Variants in PTTG1IP2 observed in about 807,000 individuals in gnomAD.
PTTG1IP2 encodes the protein PTTG1IP family member 2.
chr7:90,473,976 C>T (rs1425605369), intron 1 of PTTG1IP2, among the ~76,000 whole-genome samples: 1 of 152,188 alleles, frequency 6.6e-6, no homozygotes, highest in Non-Finnish European at 1.5e-5. Context: ...GGTAAGTTTT[C>T]AGTAAACATT....
rs531043027 is a variant in PTTG1IP2, at chr7:90,497,378, C to A, written c.*50+2948C>A. On this transcript the variant is annotated intron_variant, in intron 6 of 6. Coordinates refer to ENST00000509356, the MANE Select transcript of PTTG1IP2 (RefSeq NM_001365443.2). ...AGGAGATCGAGACCATCCTGGCTAA[C>A]ATGGTGAAACCCCGTCTCTACTAAA... Among the ~76,000 whole-genome samples the A allele has an allele frequency of 2.2e-4, 34 of 152,116 alleles. No homozygotes were observed. The East Asian group carries it at 5.4e-3, about 24-fold the overall frequency.
intron 2 of PTTG1IP2, among the ~76,000 whole-genome samples, chr7:90,485,170 G>A (rs775284594): frequency 1.3e-5 from 2 of 152,138 alleles, no homozygotes; most frequent in Non-Finnish European, 2.9e-5. Context: ...GAAGAATGGG[G>A]ACACAAAGTA....
intron 6 of PTTG1IP2, among the ~76,000 whole-genome samples, chr7:90,508,343 A>C (rs535491259): frequency 6.6e-6 from 1 of 152,258 alleles, no homozygotes; most frequent in Admixed American, 6.5e-5. Flanking sequence ...AGTTGAGTTA[A>C]AGCCTAAAGA....
intron 6 of PTTG1IP2, among the ~76,000 whole-genome samples, chr7:90,505,961 G>A (rs572663074): frequency 1.5e-5 from 2 of 129,622 alleles, no homozygotes; most frequent in South Asian, 2.5e-4. Context: ...TCCGCAGTCC[G>A]GCCTGGGCGA....
At chr7:90,489,808 C>T (rs1797918647) in intron 4 of PTTG1IP2, among the ~76,000 whole-genome samples, 1 of 151,754 alleles carries the variant, frequency 6.6e-6, no homozygotes, top group African/African-American at 2.4e-5. Context: ...TATCAAGTGC[C>T]AAGATCAAAT....
intron 2 of PTTG1IP2, among the ~76,000 whole-genome samples, chr7:90,479,867 T>C (rs1797795626): frequency 1.3e-5 from 2 of 152,206 alleles, no homozygotes; most frequent in South Asian, 4.1e-4. Flanking sequence ...AAACAGAAGC[T>C]TGAAGTCACT....
At chr7:90,484,253 C>G (rs1242202571) in intron 2 of PTTG1IP2, among the ~76,000 whole-genome samples, 1 of 151,938 alleles carries the variant, frequency 6.6e-6, no homozygotes, top group Non-Finnish European at 1.5e-5. Context: ...ATCCCATCCC[C>G]CAACCACTGG....
At chr7:90,496,841 C>G (rs1324852499) in intron 6 of PTTG1IP2, among the ~76,000 whole-genome samples, 1 of 152,092 alleles carries the variant, frequency 6.6e-6, no homozygotes, top group Non-Finnish European at 1.5e-5. Flanking sequence ...TAACTTCCCT[C>G]TAAGAATTAC....
intron 6 of PTTG1IP2, among the ~76,000 whole-genome samples, chr7:90,494,851 C>A (rs1797975361): frequency 1.3e-5 from 2 of 152,102 alleles, no homozygotes; most frequent in South Asian, 4.1e-4. Flanking sequence ...TCACTACAAA[C>A]AATAAAAAAT....
At chr7:90,487,224 G>A (rs920952701) in intron 2 of PTTG1IP2, 103 bp from the exon 3 acceptor site, 1 of 152,404 alleles carries the variant, frequency 6.6e-6, no homozygotes, top group Non-Finnish European at 1.5e-5. Flanking sequence ...TAATAATAAT[G>A]GTTATTATTT....
At chr7:90,490,778 T>C (rs567918436) in intron 4 of PTTG1IP2, among the ~76,000 whole-genome samples, 1 of 152,290 alleles carries the variant, frequency 6.6e-6, no homozygotes, top group South Asian at 2.1e-4. Context: ...AAGTGGCAAA[T>C]TCTGCCCATA....
chr7:90,485,506 G>A (rs974715091), intron 2 of PTTG1IP2, among the ~76,000 whole-genome samples: 2 of 152,224 alleles, frequency 1.3e-5, no homozygotes, highest in East Asian at 1.9e-4. Context: ...AGAGAAAGCC[G>A]GATAACAACA....
chr7:90,489,276 T>C (rs1797912120), intron 4 of PTTG1IP2, among the ~76,000 whole-genome samples: 2 of 152,066 alleles, frequency 1.3e-5, no homozygotes, highest in South Asian at 4.1e-4. Context: ...CTTTTCATGA[T>C]TAATTTTAGA....
intron 6 of PTTG1IP2, among the ~76,000 whole-genome samples, chr7:90,512,287 A>G (rs780522513): frequency 3.3e-5 from 5 of 152,204 alleles, no homozygotes; most frequent in Non-Finnish European, 7.3e-5. Flanking sequence ...AGCAAAGCCA[A>G]TAATTTAAAA....
chr7:90,472,453 A>C (rs1273443658), intron 1 of PTTG1IP2, among the ~76,000 whole-genome samples: 1 of 152,254 alleles, frequency 6.6e-6, no homozygotes, highest in Non-Finnish European at 1.5e-5. Context: ...GCAAGATATC[A>C]GAATGAAATT....
intron 6 of PTTG1IP2, among the ~76,000 whole-genome samples, chr7:90,500,206 T>C (rs1798046920): frequency 6.6e-6 from 1 of 152,126 alleles, no homozygotes; most frequent in Non-Finnish European, 1.5e-5. Flanking sequence ...AGAGGGAGAC[T>C]CTGTCTCAGA....
intron 4 of PTTG1IP2, among the ~76,000 whole-genome samples, chr7:90,491,918 G>A (rs2116086436): frequency 6.6e-6 from 1 of 152,124 alleles, no homozygotes; most frequent in South Asian, 2.1e-4. Flanking sequence ...ATCACTTGAG[G>A]CCAGGAGTTC....
Position 90,488,908 on chromosome 7 carries a change from A to G in PTTG1IP2, c.324A>G (p.Ala108=), listed in dbSNP as rs1797907495. 1.3e-5 allele frequency: 2 copies of G among 151,978 alleles called. No homozygotes were observed. Among genetic ancestry groups the G allele is most frequent in the South Asian group, 2.1e-4 (1 of 4,832 alleles). The allele number at this position is 151,978 out of a possible 1,614,324, so 9.4% of individuals were successfully genotyped here. Residue 108 remains alanine (A), a synonymous_variant, in exon 4 of 7, where the codon GCA becomes GCG. Coordinates refer to ENST00000509356, the MANE Select transcript of PTTG1IP2 (RefSeq NM_001365443.2). ...GAATCATGATGCTTCTACTCATTGC[A>G]GTATTAATTACAGGATTCGTTTGGT... is the stretch of plus-strand genomic sequence containing the variant. The part of the protein sequence containing the change: ...MFGIMMLLLI[A]VLITGFVWYC...
chr7:90,482,365 T>C (rs1485652322), intron 2 of PTTG1IP2, among the ~76,000 whole-genome samples: 2 of 152,146 alleles, frequency 1.3e-5, no homozygotes, highest in South Asian at 2.1e-4. Flanking sequence ...GTATGATAAA[T>C]GATATTCTTC....
Sources: gnomAD v4.1 joint callset for allele counts (sites outside exome capture counted in the v4.1 genomes callset) on GRCh38, gnomAD v4.1.1 for gene constraint, MANE v1.5 for transcripts, NCBI Gene and HGNC (gene_info 2026-07-23, HGNC 2026-07-21) for gene names.